Variants in CREB3L3 observed in about 807,000 individuals in gnomAD.
CREB3L3 encodes the protein cyclic AMP-responsive element-binding protein 3-like protein 3.
CREB3L3 carries 40 observed loss-of-function variants against 44.6 expected under a neutral mutation model. The ratio of observed to expected loss-of-function variants is 0.90; its 90% CI spans 0.70 to 1.17. The LOEUF (loss-of-function observed/expected upper bound fraction) is 1.17. CREB3L3 is among the 50% of genes most tolerant of loss of function. CREB3L3 has a pLI of 0.00. For missense variants in CREB3L3, 578 were observed against 595.8 expected (o/e 0.97, Z 0.31); for synonymous variants, 273 against 256.3 (o/e 1.06, Z -0.62).
chr19:4,165,383 C>G (rs1436280196), intron 5 of CREB3L3, among the ~76,000 whole-genome samples: 1 of 151,070 alleles, frequency 6.6e-6, no homozygotes, highest in African/African-American at 2.4e-5. Context: ...TTATGTTGCC[C>G]AGGCTGGGCT....
intron 5 of CREB3L3, among the ~76,000 whole-genome samples, chr19:4,167,085 G>A (rs985512215): frequency 2.0e-5 from 3 of 152,104 alleles, no homozygotes; most frequent in Non-Finnish European, 4.4e-5. Flanking sequence ...TCTCATGCCT[G>A]TAATCCCAGC....
chr19:4,158,101 G>A (rs1212673921), intron 3 of CREB3L3, among the ~76,000 whole-genome samples: 1 of 152,086 alleles, frequency 6.6e-6, no homozygotes, highest in Non-Finnish European at 1.5e-5. Flanking sequence ...AGCATTCCCG[G>A]CGGGCCAGGC....
rs141474353 is a variant in CREB3L3 at position 4,171,135 on chromosome 19, A to G, written c.935A>G (p.Gln312Arg). 4.9e-4 allele frequency: 791 copies of G among 1,613,994 alleles called. 1 individual carries two copies. The highest frequency in any genetic ancestry group is 6.3e-4 in the Non-Finnish European group (742 of 1,180,016). ...QLKKLQAIVV[Q>R]STSKSAQTGT... ...AAGAAACTCCAGGCCATTGTGGTGC[A>G]GTCCACCAGCAAGTCAGCCCAGACA... The change falls in exon 8 of 10, where the codon CAG (glutamine) becomes CGG (arginine). Residue 312 changes from glutamine to arginine, a missense_variant. Transcript: ENST00000078445. The surrounding 1 kb of genome is among the most constrained non-coding windows in gnomAD (Gnocchi z 4.9).
chr19:4,171,461 G>A lies in CREB3L3; in HGVS notation c.1054G>A (p.Asp352Asn), dbSNP rs1436295688. ...CCCCAACAAAACCGAGAGCCCTGGG[G>A]ACTTTGCGCCTGTACGAGGTAGGGG... is the stretch of plus-strand genomic sequence containing the variant. ...FGPNKTESPG[D>N]FAPVRVFSRT... The change falls in exon 9 of 10, where the codon GAC (aspartate) becomes AAC (asparagine). Residue 352 changes from aspartate (D) to asparagine (N), a missense_variant. Coordinates refer to ENST00000078445, the MANE Select transcript of CREB3L3 (RefSeq NM_032607.3). This position sits in a 1 kb window ranked among gnomAD's most constrained non-coding sequence, Gnocchi z 4.9. The A allele has an allele frequency of 6.2e-7, 1 of 1,614,092 alleles. No homozygotes were observed. Among genetic ancestry groups the A allele is most frequent in the Non-Finnish European group, 8.5e-7 (1 of 1,180,010 alleles).
chr19:4,160,691 G>A (rs1008277492), intron 4 of CREB3L3, among the ~76,000 whole-genome samples: 12 of 151,612 alleles, frequency 7.9e-5, no homozygotes, highest in African/African-American at 2.7e-4. Context: ...AAGTAGCTGA[G>A]ATTACAGGCA....
At position 4,171,182 on chromosome 19, in the gene CREB3L3, C is replaced by A. The variant is rs1310208216; in HGVS notation, c.975+7C>A. The A allele has an allele frequency of 6.2e-7, 1 of 1,612,856 alleles. No individual in the cohort carries two copies. The highest frequency in any genetic ancestry group is 8.5e-7 in the Non-Finnish European group (1 of 1,178,986). On this transcript the variant is annotated splice_region_variant and intron_variant, in intron 8 of 9. Transcript: ENST00000078445. This position sits in a 1 kb window ranked among gnomAD's most constrained non-coding sequence, Gnocchi z 4.9. Reference sequence around the variant, plus strand: ...GACAGGCACCTGTGTCGCAGTGAGTCCTGGTGCCCCCAGGCAAGCCGGGGA... The same window carrying A: ...GACAGGCACCTGTGTCGCAGTGAGTACTGGTGCCCCCAGGCAAGCCGGGGA...
rs370477474 is a variant in CREB3L3 at position 4,168,407 on chromosome 19, G to A, written c.771G>A (p.Ala257=). ...GGAAAATCCGGAACAAGCAGTCGGC[G>A]CAAGAAAGCAGGAAGAAGAAGAAGG... ...IRRKIRNKQS[A]QESRKKKKEY... The change falls in exon 6 of 10, where the codon GCG becomes GCA. Residue 257 remains alanine, a synonymous_variant. Coordinates refer to ENST00000078445, the MANE Select transcript of CREB3L3 (RefSeq NM_032607.3). 7.2e-5 allele frequency: 116 copies of A among 1,611,218 alleles called. No homozygotes were observed. Among genetic ancestry groups the A allele is most frequent in the Middle Eastern group, 3.3e-4 (2 of 6,046 alleles).
intron 2 of CREB3L3, among the ~76,000 whole-genome samples, chr19:4,155,891 G>T (rs1331892510): frequency 6.6e-6 from 1 of 151,640 alleles, no homozygotes; most frequent in Non-Finnish European, 1.5e-5. Flanking sequence ...GGGATTACAG[G>T]CAGCCGCCAC....
At chr19:4,170,950 TA>T (rs1401588975) in intron 7 of CREB3L3, 140 bp from the exon 8 acceptor site, 3 of 409,924 alleles carry the variant, frequency 7.3e-6, no homozygotes, top group Admixed American at 4.1e-5. Context: ...AATAAATAAA[TA>T]AAATAAATAA....
rs551504714 is a variant in CREB3L3 at position 4,168,262 on chromosome 19, G to A, written c.715-89G>A. 162 of 977,532 alleles carry A rather than the reference G, an allele frequency of 1.7e-4. No homozygotes were observed. The African/African-American group carries it at 2.3e-3, about 14-fold the overall frequency. 60.6% of individuals were successfully genotyped at this position (977,532 alleles called of 1,614,324 possible). ...GATACGCCTGCCTCGGCCTCCCAAA[G>A]TGCTGGGATTACAGGCGAGAGCTAC... On this transcript the variant is annotated intron_variant, in intron 5 of 9. Coordinates refer to ENST00000078445, the MANE Select transcript of CREB3L3 (RefSeq NM_032607.3).
chr19:4,157,036 C>A lies in CREB3L3; in HGVS notation c.198C>A (p.Ser66=), dbSNP rs1438203537. 18 of 1,613,946 alleles carry A rather than the reference C, an allele frequency of 1.1e-5. No individual in the cohort carries two copies. The highest frequency in any genetic ancestry group is 1.4e-5 in the Non-Finnish European group (17 of 1,180,026). ...CCGACTCTGACGACTTCCTCAGCTC[C>A]ATCCTGGGCTCTGGAGACTCACTGC... ...PNPDSDDFLS[S]ILGSGDSLPS... The change falls in exon 3 of 10, where the codon TCC becomes TCA. Residue 66 remains serine (S), a synonymous_variant. Transcript: ENST00000078445.
In CREB3L3 at chr19:4,171,352, GA is replaced by G. The variant is rs1967042221; in HGVS notation, c.976-30del. The G allele has an allele frequency of 1.3e-6, 2 of 1,588,810 alleles. No homozygotes were observed. The highest frequency in any genetic ancestry group is 2.7e-5 in the African/African-American group (2 of 74,364). ...GGAGATGCTTGCAGGGGAGGGGAGG[GA>G]GGGGGTGACTCTGCCGCTGTCTCCA... On this transcript the variant is annotated intron_variant, in intron 8 of 9. Transcript: ENST00000078445. This position sits in a 1 kb window ranked among gnomAD's most constrained non-coding sequence, Gnocchi z 4.9.
At chr19:4,166,126 T>C (rs1038104718) in intron 5 of CREB3L3, among the ~76,000 whole-genome samples, 1 of 151,794 alleles carries the variant, frequency 6.6e-6, no homozygotes, top group South Asian at 2.1e-4. Context: ...TCTGACTCTG[T>C]TGCCCAGGCT....
intron 2 of CREB3L3, 21 bp from the exon 3 acceptor site, chr19:4,156,974 A>G: frequency 1.2e-6 from 2 of 1,612,120 alleles, no homozygotes; most frequent in Non-Finnish European, 1.7e-6. Flanking sequence ...AATTCCTACT[A>G]CCCCTCCCTG....
intron 5 of CREB3L3, among the ~76,000 whole-genome samples, chr19:4,167,870 TG>T (rs1966951859): frequency 6.6e-6 from 1 of 151,952 alleles, no homozygotes; most frequent in Non-Finnish European, 1.5e-5. Context: ...GCAAAGAGGA[TG>T]GGGTGAAGTT....
chr19:4,156,079 GTTTCTCTCTCTC>G (rs1568277720), intron 2 of CREB3L3, among the ~76,000 whole-genome samples: 1 of 78,350 alleles, frequency 1.3e-5, no homozygotes. Context: ...TCTCTCTCTC[GTTTCTCTCTCTC>G]TCTCTCTCTC....
intron 5 of CREB3L3, among the ~76,000 whole-genome samples, chr19:4,165,775 T>C (rs1464913311): frequency 6.6e-6 from 1 of 151,912 alleles, no homozygotes; most frequent in Non-Finnish European, 1.5e-5. Flanking sequence ...CTCAGGAGGC[T>C]GAGGCAGGAG....
Position 4,164,428 on chromosome 19 carries a change from T to C in CREB3L3, c.577-75T>C. ...CAGCCTGGGGTGATAGTGTTTTCGA[T>C]CTGATACCTCTTTCATTTCCTGAAG... On this transcript the variant is annotated intron_variant, in intron 4 of 9. Transcript: ENST00000078445. The C allele has an allele frequency of 1.9e-6, 3 of 1,590,108 alleles. No individual in the cohort carries two copies. In the African/African-American group the frequency reaches 4.0e-5, roughly 21 times the overall value.
Position 4,159,682 on chromosome 19 carries a change from G to T in CREB3L3, c.476G>T (p.Gly159Val), listed in dbSNP as rs374998466. 6.4e-7 allele frequency: 1 copy of T among 1,564,454 alleles called. No individual in the cohort carries two copies. The highest frequency in any genetic ancestry group is 1.1e-5 in the South Asian group (1 of 90,176). ...TIDLEMWSPG[G>V]RICAEKPADP... ...TGGTCAGAAATGTGGAGCCCAGGAG[G>T]AAGGATCTGTGCTGAGAAGCCGGCT... The change falls in exon 4 of 10, where the codon GGA becomes GTA. Residue 159 changes from glycine to valine, a missense_variant. Coordinates refer to ENST00000078445, the MANE Select transcript of CREB3L3 (RefSeq NM_032607.3).
Sources: gnomAD v4.1 joint callset for allele counts (sites outside exome capture counted in the v4.1 genomes callset) on GRCh38, gnomAD v4.1.1 for gene constraint, Gnocchi (gnomAD v3.1) non-coding constraint, MANE v1.5 for transcripts, NCBI Gene and HGNC (gene_info 2026-07-23, HGNC 2026-07-21) for gene names.